RBFOX1: variants seen among roughly 807,000 people sequenced by gnomAD.
The protein encoded by RBFOX1 is RNA binding fox-1 homolog 1.
In RBFOX1, 8 loss-of-function variants were observed where a neutral mutation model predicts 57.7. That is an observed-to-expected ratio of 0.14 (90% CI 0.08 to 0.25). The LOEUF is 0.25. Among genes scored for constraint, RBFOX1 ranks in the 10% least tolerant of loss-of-function variants. The probability of loss-of-function intolerance (pLI) is 1.00; values close to 1 mark genes in which losing one functional copy is unlikely to be tolerated. For missense variants in RBFOX1, 611 were observed against 548.5 expected, an observed-to-expected ratio of 1.11 and a Z score of -1.14; for synonymous variants, 326 against 222.4, an observed-to-expected ratio of 1.47 and a Z score of -4.15.
chr16:7,519,114 A>G (rs2076999220), intron 5 of RBFOX1, among the ~76,000 whole-genome samples: 1 of 152,198 alleles, frequency 6.6e-6, no homozygotes. Flanking sequence ...GATTTTTAGC[A>G]TATTTACGGA....
intron 1 of RBFOX1, among the ~76,000 whole-genome samples, chr16:5,434,589 G>C (rs58675913): frequency 6.6e-6 from 1 of 152,062 alleles, no homozygotes; most frequent in South Asian, 2.1e-4. Flanking sequence ...AAAGTGCTGA[G>C]ATTACAGGCA....
At chr16:5,574,258 T>C (rs2046381766) in intron 2 of RBFOX1, among the ~76,000 whole-genome samples, 2 of 152,224 alleles carry the variant, frequency 1.3e-5, no homozygotes, top group South Asian at 2.1e-4. Flanking sequence ...GATGCAGTGA[T>C]AATGCTGCTG....
intron 4 of RBFOX1, among the ~76,000 whole-genome samples, chr16:6,013,489 CA>C (rs2094974176): frequency 6.6e-6 from 1 of 152,080 alleles, no homozygotes; most frequent in Non-Finnish European, 1.5e-5. Flanking sequence ...GAATCATTGA[CA>C]TGATTCTAAG....
At chr16:7,601,530 GCAAA>G (rs895525895) in intron 9 of RBFOX1, among the ~76,000 whole-genome samples, 5 of 152,122 alleles carry the variant, frequency 3.3e-5, no homozygotes, top group African/African-American at 1.2e-4. Flanking sequence ...GGTAAAATCA[GCAAA>G]CAGACAGTCT....
intron 1 of RBFOX1, among the ~76,000 whole-genome samples, chr16:5,380,709 G>T (rs1241375525): frequency 1.3e-5 from 2 of 152,208 alleles, no homozygotes; most frequent in Non-Finnish European, 2.9e-5. Flanking sequence ...CAAGTAAGTT[G>T]TCCAAAGACA....
At chr16:5,590,629 C>T (rs2046976703) in intron 2 of RBFOX1, among the ~76,000 whole-genome samples, 1 of 152,142 alleles carries the variant, frequency 6.6e-6, no homozygotes, top group Non-Finnish European at 1.5e-5. Flanking sequence ...AAATTCACTC[C>T]CAGATCGGGC....
intron 3 of RBFOX1, among the ~76,000 whole-genome samples, chr16:6,851,496 TAG>T (rs2094060618): frequency 6.6e-6 from 1 of 152,200 alleles, no homozygotes; most frequent in South Asian, 2.1e-4. Context: ...TATAACAACT[TAG>T]AGTTTGAAAG....
intron 4 of RBFOX1, among the ~76,000 whole-genome samples, chr16:5,892,350 C>T (rs2058063610): frequency 6.6e-6 from 1 of 152,160 alleles, no homozygotes; most frequent in Non-Finnish European, 1.5e-5. Context: ...ATCTGGGTTG[C>T]AATTCCATTT....
intron 4 of RBFOX1, among the ~76,000 whole-genome samples, chr16:7,109,762 C>T (rs1436713159): frequency 6.6e-6 from 1 of 152,030 alleles, no homozygotes; most frequent in African/African-American, 2.4e-5. Context: ...GAGATGACTC[C>T]TTTGAGCAAT....
chr16:6,487,572 G>A (rs1472607068), intron 2 of RBFOX1, among the ~76,000 whole-genome samples: 1 of 149,408 alleles, frequency 6.7e-6, no homozygotes, highest in Non-Finnish European at 1.5e-5. Context: ...GAATCTGTCG[G>A]CAAGCTCCAA....
intron 2 of RBFOX1, among the ~76,000 whole-genome samples, chr16:6,466,229 C>CA (rs201275514): frequency 0.17 from 21,681 of 127,698 alleles, 1,829 homozygotes; most frequent in Non-Finnish European, 0.22. Context: ...AACTCTATCT[C>CA]AAAAAAAAAA....
chr16:5,263,125 G>C (rs544041298), intron 1 of RBFOX1, among the ~76,000 whole-genome samples: 3 of 152,050 alleles, frequency 2.0e-5, no homozygotes, highest in Non-Finnish European at 4.4e-5. Flanking sequence ...ATTCTAATTG[G>C]GCTTCTGCTA....
chr16:7,086,721 T>TACACACACACACACACACACAGAC (rs71280731), intron 4 of RBFOX1, among the ~76,000 whole-genome samples: 3,559 of 149,556 alleles, frequency 0.024, 47 homozygotes, highest in Non-Finnish European at 0.029. Context: ...GAAGAATGTA[T>TACACACACACACACACACACAGAC]ACACACACAC....
At chr16:5,763,896 A>G (rs954328954) in intron 3 of RBFOX1, among the ~76,000 whole-genome samples, 13 of 151,920 alleles carry the variant, frequency 8.6e-5, no homozygotes, top group African/African-American at 3.1e-4. Flanking sequence ...TCTCTTTTTT[A>G]TTTCCAGGTA....
intron 4 of RBFOX1, among the ~76,000 whole-genome samples, chr16:7,170,728 T>A (rs74009282): frequency 6.6e-6 from 1 of 152,198 alleles, no homozygotes; most frequent in Non-Finnish European, 1.5e-5. Context: ...CAGTGAAGTT[T>A]CCATACACCT....
chr16:5,547,291 C>T (rs956302699), intron 2 of RBFOX1, among the ~76,000 whole-genome samples: 3 of 152,324 alleles, frequency 2.0e-5, no homozygotes, highest in South Asian at 2.1e-4. Flanking sequence ...CCTCAAACAA[C>T]ACACATGTGC....
intron 2 of RBFOX1, among the ~76,000 whole-genome samples, chr16:6,447,064 C>A (rs953837278): frequency 3.3e-5 from 5 of 152,148 alleles, no homozygotes; most frequent in African/African-American, 1.2e-4. Flanking sequence ...AGTCACATTC[C>A]TTTTCAACGG....
chr16:7,110,329 C>T (rs2064475718), intron 4 of RBFOX1, among the ~76,000 whole-genome samples: 1 of 151,896 alleles, frequency 6.6e-6, no homozygotes, highest in African/African-American at 2.4e-5. Context: ...CCACTGCACT[C>T]CAGCTTGGGT....
chr16:6,889,694 A>C (rs1262508115), intron 3 of RBFOX1, among the ~76,000 whole-genome samples: 1 of 152,194 alleles, frequency 6.6e-6, no homozygotes, highest in Non-Finnish European at 1.5e-5. Context: ...ATGGTTGTTT[A>C]ATAAATTCTT....
Sources: gnomAD v4.1 joint callset for allele counts (sites outside exome capture counted in the v4.1 genomes callset) on GRCh38, gnomAD v4.1.1 for gene constraint, MANE v1.5 for transcripts, NCBI Gene and HGNC (gene_info 2026-07-23, HGNC 2026-07-21) for gene names.